Variants in WDR20 observed in about 807,000 individuals in gnomAD.
The protein encoded by WDR20 is WD repeat domain 20.
WDR20 carries 3 observed loss-of-function variants against 38.7 expected under a neutral mutation model. That is an observed-to-expected ratio of 0.08 (90% CI 0.04 to 0.20). The LOEUF (loss-of-function observed/expected upper bound fraction) is 0.20, where lower values mean the gene tolerates loss of function less well. WDR20 is among the 10% of genes least tolerant of loss of function. The probability of loss-of-function intolerance (pLI) is 1.00; values close to 1 mark genes in which losing one functional copy is unlikely to be tolerated. For synonymous variants in WDR20, 298 were observed against 285.6 expected, an observed-to-expected ratio of 1.04 and a Z score of -0.44; for missense variants, 559 against 727.7, an observed-to-expected ratio of 0.77 and a Z score of 2.67.
chr14:102,219,543 C>A (rs1195511942), downstream of WDR20, among the ~76,000 whole-genome samples: 1 of 152,244 alleles, frequency 6.6e-6, no homozygotes, highest in Non-Finnish European at 1.5e-5. Context: ...GGAGGCCGGG[C>A]CCTTTGGGCC....
chr14:102,171,213 G>A (rs890442877), intron 1 of WDR20, among the ~76,000 whole-genome samples: 5 of 149,930 alleles, frequency 3.3e-5, no homozygotes, highest in Admixed American at 3.3e-4. Flanking sequence ...GCCTCCCAAA[G>A]TGCTGGAATT....
chr14:102,160,550 G>A (rs1159716096), intron 1 of WDR20, among the ~76,000 whole-genome samples: 1 of 151,994 alleles, frequency 6.6e-6, no homozygotes, highest in East Asian at 1.9e-4. Flanking sequence ...GTAAAAGAGA[G>A]CTTCACTCTT....
chr14:102,163,263 A>G (rs1165516486), intron 1 of WDR20, among the ~76,000 whole-genome samples: 1 of 152,152 alleles, frequency 6.6e-6, no homozygotes, highest in African/African-American at 2.4e-5. Flanking sequence ...GATGACTTCC[A>G]CCAGATACCA....
chr14:102,210,850 G>A (rs1003837273), downstream of WDR20, among the ~76,000 whole-genome samples: 8 of 152,166 alleles, frequency 5.3e-5, no homozygotes, highest in African/African-American at 1.7e-4. Flanking sequence ...CCCTGACATG[G>A]CCCTCGTTTG....
downstream of WDR20, among the ~76,000 whole-genome samples, chr14:102,215,549 G>A (rs145848073): frequency 1.7e-3 from 266 of 152,168 alleles, no homozygotes; most frequent in Non-Finnish European, 3.0e-3. Context: ...GGTTTGTTGC[G>A]CCCATCAACC....
intron 1 of WDR20, chr14:102,191,141 G>T (rs2066286913): frequency 6.6e-6 from 1 of 152,222 alleles, no homozygotes; most frequent in Non-Finnish European, 1.5e-5. Context: ...CCATTGCCTT[G>T]CAGGGGAGGG....
intron 1 of WDR20, among the ~76,000 whole-genome samples, chr14:102,145,572 C>CG (rs917372796): frequency 1.3e-5 from 2 of 152,020 alleles, no homozygotes; most frequent in African/African-American, 4.8e-5. Flanking sequence ...AGTGAAACCT[C>CG]GTGTGGGTTC....
At chr14:102,195,154 C>G in intron 2 of WDR20, 34 bp downstream of exon 2, 1 of 1,601,914 alleles carries the variant, frequency 6.2e-7, no homozygotes, top group African/African-American at 1.3e-5. Flanking sequence ...GTTAAGAATC[C>G]CTTTAAGAGT....
rs961125248 is a variant in WDR20 at position 102,222,087 on chromosome 14, C to T, written c.1693-743C>T. ...ATTGTAAAATCTGGGTGAGATTCCC[C>T]GCCCCCGCCCCCGACAGTGAGCCTC... On this transcript the variant is annotated intron_variant, in intron 3 of 3. Transcript: ENST00000335263. The surrounding 1 kb of genome is among the most constrained non-coding windows in gnomAD (Gnocchi z 4.4). Among the ~76,000 whole-genome samples the T allele has an allele frequency of 7.8e-4, 118 of 151,768 alleles. 1 individual carries two copies. Among genetic ancestry groups the T allele is most frequent in the Non-Finnish European group, 2.2e-4 (15 of 67,896 alleles).
downstream of WDR20, among the ~76,000 whole-genome samples, chr14:102,224,240 C>G (rs2064157274): frequency 6.6e-6 from 1 of 151,940 alleles, no homozygotes; most frequent in African/African-American, 2.4e-5. Context: ...TGGGGTTTCA[C>G]CATGTTAGCC....
chr14:102,184,875 G>A lies in WDR20; in HGVS notation c.250-10063G>A, dbSNP rs145031793. Among the ~76,000 whole-genome samples, 10 of 152,268 alleles carry A rather than the reference G, an allele frequency of 6.6e-5. No homozygotes were observed. In the East Asian group the frequency reaches 1.9e-3, roughly 29 times the overall value. On this transcript the variant is annotated intron_variant, in intron 1 of 2. Transcript: ENST00000342702. ...AGCCCCTTGAACGTGGTTGGCCGGGGCTCATTCCAGGTCAGAGCCCATCAG... is the reference window on the plus strand; with the variant it reads ...AGCCCCTTGAACGTGGTTGGCCGGGACTCATTCCAGGTCAGAGCCCATCAG...
At chr14:102,153,597 C>T (rs2056649247) in intron 1 of WDR20, among the ~76,000 whole-genome samples, 2 of 152,214 alleles carry the variant, frequency 1.3e-5, no homozygotes, top group Middle Eastern at 3.4e-3. Flanking sequence ...TGAGCCACCG[C>T]GCCCGGCCAC....
chr14:102,214,502 ATTTC>A, downstream of WDR20: 1 of 985,360 alleles, frequency 1.0e-6, no homozygotes, highest in Non-Finnish European at 1.2e-6. Context: ...ACTGATGTTG[ATTTC>A]TTTATTCATT....
chr14:102,196,840 A>T (rs563885674), intron 2 of WDR20, among the ~76,000 whole-genome samples: 1 of 152,350 alleles, frequency 6.6e-6, no homozygotes, highest in African/African-American at 2.4e-5. Context: ...TATTTGAGAA[A>T]TTGCTATTTA....
At chr14:102,224,037 ATTT>A (rs533802492), downstream of WDR20, among the ~76,000 whole-genome samples, 6 of 123,106 alleles carry the variant, frequency 4.9e-5, no homozygotes, top group Non-Finnish European at 6.8e-5. Context: ...TTTACCTGAG[ATTT>A]TTTTTTTTTT....
At chr14:102,166,902 C>T (rs2059886716) in intron 1 of WDR20, among the ~76,000 whole-genome samples, 1 of 152,192 alleles carries the variant, frequency 6.6e-6, no homozygotes, top group African/African-American at 2.4e-5. Context: ...CTCATCTCAC[C>T]TGGGCACTGT....
At chr14:102,184,007 A>G (rs981055475) in intron 1 of WDR20, among the ~76,000 whole-genome samples, 4 of 152,236 alleles carry the variant, frequency 2.6e-5, no homozygotes, top group Non-Finnish European at 4.4e-5. Flanking sequence ...AAATGAATGC[A>G]TCTTGCCTTT....
At chr14:102,160,599 A>G (rs2058409663) in intron 1 of WDR20, among the ~76,000 whole-genome samples, 1 of 152,098 alleles carries the variant, frequency 6.6e-6, no homozygotes, top group Admixed American at 6.6e-5. Flanking sequence ...TGGATGTACC[A>G]TAATTTATTT....
rs879335842 is a variant in WDR20, at chr14:102,142,618, T to TA, written c.249+2457dup. On this transcript the variant is annotated intron_variant, in intron 1 of 2. Coordinates refer to ENST00000342702, the MANE Select transcript of WDR20 (RefSeq NM_144574.4). ...ACAGGTGTGCACCACCCTGGCTAAT[T>TA]AAAAAAAAAAATGTTTTTTAGAGAT... 7.5e-4 allele frequency among the ~76,000 whole-genome samples: 110 copies of TA among 146,236 alleles called. 2 individuals carry two copies. The Middle Eastern group carries it at 0.031, about 42-fold the overall frequency.
Sources: allele counts gnomAD v4.1 joint callset (sites outside exome capture counted in the v4.1 genomes callset), GRCh38; gene constraint gnomAD v4.1.1; non-coding constraint Gnocchi (gnomAD v3.1); transcripts MANE v1.5; gene names NCBI Gene and HGNC (gene_info 2026-07-23, HGNC 2026-07-21).